KANSL3: variants seen among roughly 807,000 people sequenced by gnomAD.
KANSL3 encodes the protein NSL complex protein NSL3.
In KANSL3, 16 loss-of-function variants were observed where a neutral mutation model predicts 89.2. That is an observed-to-expected ratio of 0.18 (90% CI 0.12 to 0.27). The LOEUF (loss-of-function observed/expected upper bound fraction) is 0.27. KANSL3 is among the 10% of genes least tolerant of loss of function. The pLI is 1.00. For missense variants in KANSL3, 879 were observed against 1,110.6 expected (o/e 0.79, Z 2.96); for synonymous variants, 385 against 419.7 (o/e 0.92, Z 1.01).
At chr2:96,607,106 G>A (rs2068096400) in intron 14 of KANSL3, 2 of 1,091,456 alleles carry the variant, frequency 1.8e-6, no homozygotes, top group Non-Finnish European at 2.5e-6. Context: ...GAGAAAAAGA[G>A]AGGGAATAAG....
intron 9 of KANSL3, among the ~76,000 whole-genome samples, chr2:96,611,898 C>A (rs1466154642): frequency 2.7e-5 from 1 of 36,846 alleles, no homozygotes; most frequent in Non-Finnish European, 5.0e-5. Flanking sequence ...CAGATATATA[C>A]CCATATGTGT....
chr2:96,613,679 G>A (rs2069419897), intron 5 of KANSL3, 60 bp from the exon 6 acceptor site: 2 of 1,533,016 alleles, frequency 1.3e-6, no homozygotes, highest in Non-Finnish European at 1.8e-6. Flanking sequence ...TCCACCACCA[G>A]CAATCAAGCA....
intron 5 of KANSL3, chr2:96,615,213 A>G (rs1369805117): frequency 1.3e-5 from 2 of 152,046 alleles, no homozygotes; most frequent in African/African-American, 5.0e-5. Flanking sequence ...AATGATCTCT[A>G]TGGAGTTTAT....
intron 7 of KANSL3, 119 bp from the exon 8 acceptor site, chr2:96,612,682 C>A: frequency 9.0e-7 from 1 of 1,113,490 alleles, no homozygotes; most frequent in Non-Finnish European, 1.3e-6. Flanking sequence ...TTAGAGGAGG[C>A]TCCACATGAA....
chr2:96,587,444 A>G, the KANSL3 span, among the ~76,000 whole-genome samples: 1 of 152,210 alleles, frequency 6.6e-6, no homozygotes, highest in Non-Finnish European at 1.5e-5. Flanking sequence ...ACCCAGCAGT[A>G]AAGACTCCAC....
intron 7 of KANSL3, 42 bp from the exon 8 acceptor site, chr2:96,612,605 T>C: frequency 1.3e-6 from 2 of 1,515,176 alleles, no homozygotes; most frequent in East Asian, 2.3e-5. Context: ...GAGGTAAGTT[T>C]CAAATCTTTC....
Position 96,636,988 on chromosome 2 carries a change from C to G in KANSL3, c.148G>C (p.Asp50His), listed in dbSNP as rs981379694. 3.9e-6 allele frequency: 6 copies of G among 1,551,218 alleles called. No individual in the cohort carries two copies. Among genetic ancestry groups the G allele is most frequent in the African/African-American group, 2.7e-5 (2 of 73,022 alleles). ...CGGGTGGGGCGGGCACTACTGGCAT[C>G]TGGGTGGGCACTCCAAGGCTTGGCA... is the stretch of plus-strand genomic sequence containing the variant. ...SYAKPWSAHP[D>H]ASSARPTRML... is the part of the protein sequence containing the mutation. The change falls in exon 2 of 21, where the codon GAT (aspartate) becomes CAT (histidine). Residue 50 changes from aspartate (D) to histidine (H), a missense_variant. Asp to His is a moderately conservative substitution (Grantham distance 81). Around this residue, in one of 6 missense-constraint regions of KANSL3, gnomAD observed 210 missense variants for 311.9 expected, o/e 0.67. Coordinates refer to ENST00000431828, the MANE Select transcript of KANSL3 (RefSeq NM_001115016.3).
At chr2:96,586,404 C>G in the KANSL3 span, among the ~76,000 whole-genome samples, 11 of 152,098 alleles carry the variant, frequency 7.2e-5, no homozygotes, top group Non-Finnish European at 1.6e-4. Context: ...TCCCCAACAA[C>G]TACTGGAATC....
chr2:96,629,386 G>A (rs1163740093), intron 3 of KANSL3, among the ~76,000 whole-genome samples: 3 of 152,058 alleles, frequency 2.0e-5, no homozygotes. Flanking sequence ...GCAATGGCAC[G>A]ATCTCGGCTC....
At chr2:96,615,864 ATGG>A (rs2069986073) in intron 5 of KANSL3, among the ~76,000 whole-genome samples, 1 of 152,224 alleles carries the variant, frequency 6.6e-6, no homozygotes, top group Non-Finnish European at 1.5e-5. Flanking sequence ...CACACAAATA[ATGG>A]TGGGGGACAG....
In KANSL3 at chr2:96,595,645, G is replaced by A. The variant is rs749545606; in HGVS notation, c.2617-14C>T. 4.3e-6 allele frequency: 7 copies of A among 1,613,576 alleles called. No homozygotes were observed. Among genetic ancestry groups the A allele is most frequent in the South Asian group, 2.2e-5 (2 of 90,962 alleles). On this transcript the variant is annotated splice_polypyrimidine_tract_variant and intron_variant, in intron 20 of 20. Transcript: ENST00000431828. ...TGGAGGCAGGCGCTGTGGCAGGAGA[G>A]GTAGTGAAGAAGGGTCAAAGCTTTG...
chr2:96,596,467 T>C (rs2066547661), intron 20 of KANSL3, among the ~76,000 whole-genome samples: 1 of 152,106 alleles, frequency 6.6e-6, no homozygotes, highest in Admixed American at 6.5e-5. Flanking sequence ...GGCCACAGGA[T>C]TGTTTGAGCC....
rs1338596280 is a variant in KANSL3 at position 96,594,609 on chromosome 2, T to C, written c.*1002A>G. 6.6e-6 allele frequency: 1 copy of C among 152,214 alleles called. No individual in the cohort carries two copies. The highest frequency in any genetic ancestry group is 2.4e-5 in the African/African-American group (1 of 41,454). 9.4% of individuals were successfully genotyped at this position (152,214 alleles called of 1,614,324 possible). ...AAGTTTCCTGGGATGGCCAAGATACTACCTTAGCTTATTGTCCCTGCTTCA... is the reference window on the plus strand; with the variant it reads ...AAGTTTCCTGGGATGGCCAAGATACCACCTTAGCTTATTGTCCCTGCTTCA... On this transcript the variant is annotated 3_prime_UTR_variant, in exon 21 of 21. Transcript: ENST00000431828.
chr2:96,635,072 C>T (rs2074058397), intron 2 of KANSL3, among the ~76,000 whole-genome samples: 2 of 152,206 alleles, frequency 1.3e-5, no homozygotes, highest in African/African-American at 4.8e-5. Flanking sequence ...CAAGATATCA[C>T]GATTTCTGGC....
intron 14 of KANSL3, chr2:96,605,861 G>T (rs2067907963): frequency 5.8e-6 from 1 of 173,182 alleles, no homozygotes; most frequent in South Asian, 1.4e-4. Context: ...AAAAATAGAG[G>T]ATTCAACAGA....
At chr2:96,598,648 G>A (rs1043265963) in intron 20 of KANSL3, among the ~76,000 whole-genome samples, 19 of 152,052 alleles carry the variant, frequency 1.2e-4, no homozygotes, top group Non-Finnish European at 2.5e-4. Flanking sequence ...GATGGCTCAC[G>A]CCTGTAATCC....
Position 96,608,535 on chromosome 2 carries a change from C to T in KANSL3, c.1714G>A (p.Ala572Thr). The T allele has an allele frequency of 6.2e-7, 1 of 1,614,042 alleles. No homozygotes were observed. The highest frequency in any genetic ancestry group is 1.1e-5 in the South Asian group (1 of 91,086). ...LLKRHVQRTE[A>T]VLTHKQAQVP... ...TGAGCTTGTTTGTGGGTCAGCACAG[C>T]TTCTGTCCGCTGCACATGTCTCTTC... Residue 572 changes from alanine (A) to threonine (T), a missense_variant, in exon 14 of 21, where the codon GCT (alanine) becomes ACT (threonine). Around this residue, in one of 6 missense-constraint regions of KANSL3, gnomAD observed 317 missense variants for 311.2 expected, o/e 1.02. Coordinates refer to ENST00000431828, the MANE Select transcript of KANSL3 (RefSeq NM_001115016.3).
intron 1 of KANSL3, among the ~76,000 whole-genome samples, chr2:96,637,709 CT>C (rs2074446166): frequency 1.3e-5 from 2 of 152,202 alleles, no homozygotes. Context: ...CTTCAAGCCT[CT>C]CGTATTGTGC....
Position 96,631,449 on chromosome 2 carries a change from G to A in KANSL3, c.249C>T (p.Val83=). 1 of 1,585,146 alleles carries A rather than the reference G, an allele frequency of 6.3e-7. No homozygotes were observed. Residue 83 remains valine, a synonymous_variant, in exon 3 of 21, where the codon GTC becomes GTT. Transcript: ENST00000431828. ...CATAGAGTGGCATAGGCGTTGATGT[G>A]ACCGTCTCCACATCTATTGGGACGT... is the stretch of plus-strand genomic sequence containing the variant. The part of the protein sequence containing the change: ...ESDVPIDVET[V]TSTPMPLYDN...
Sources: gnomAD v4.1 joint callset for allele counts (sites outside exome capture counted in the v4.1 genomes callset) on GRCh38, gnomAD v4.1.1 for gene constraint, gnomAD v4.1.1 regional missense constraint, MANE v1.5 for transcripts, NCBI Gene and HGNC (gene_info 2026-07-23, HGNC 2026-07-21) for gene names.